Variants in HEATR6 observed in about 807,000 individuals in gnomAD.
The protein encoded by HEATR6 is HEAT repeat-containing protein 6.
A neutral mutation model predicts 132.8 loss-of-function variants in HEATR6; 106 were observed. The ratio of observed to expected loss-of-function variants is 0.80; its 90% CI spans 0.68 to 0.94. HEATR6 has a LOEUF of 0.94. HEATR6 is among the 40% of genes least tolerant of loss of function. The probability of loss-of-function intolerance (pLI) is 0.00; values close to 1 mark genes in which losing one functional copy is unlikely to be tolerated. For missense variants in HEATR6, 1,339 were observed against 1,425.1 expected (o/e 0.94, Z 0.97); for synonymous variants, 529 against 537.8 (o/e 0.98, Z 0.23).
rs778982061 is a variant in HEATR6, at chr17:60,073,837, G to GA, written c.376dup (p.Ser126PhefsTer7). 6.2e-7 allele frequency: 1 copy of GA among 1,613,950 alleles called. No individual in the cohort carries two copies. The highest frequency in any genetic ancestry group is 2.2e-5 in the East Asian group (1 of 44,882). On this transcript the variant is annotated frameshift_variant, in exon 3 of 20. Transcript: ENST00000184956. LOFTEE classifies it high-confidence loss of function. Reference sequence around the variant, plus strand: ...CCAGGAACTACACTGATGAATAGCCGAAATAGTATATGCCAACAGGAAATC... The same window carrying GA: ...CCAGGAACTACACTGATGAATAGCCGAAAATAGTATATGCCAACAGGAAATC...
chr17:60,078,879 G>T lies in HEATR6; in HGVS notation c.36C>A (p.Ser12=), dbSNP rs1482480696. 4.4e-6 allele frequency: 6 copies of T among 1,350,470 alleles called. No homozygotes were observed. The Admixed American group carries it at 6.0e-5, about 13-fold the overall frequency. 83.7% of individuals were successfully genotyped at this position (1,350,470 alleles called of 1,614,324 possible). The stretch of plus-strand genomic sequence containing the variant: ...CCCGCGGTGCCTCCCGCGGCTGCAC[G>T]GAAGGCCACGAACCGACAACTTGCA... The part of the protein sequence containing the change: ...AAVQVVGSWP[S]VQPREAPREA... The change falls in exon 1 of 20, where the codon TCC becomes TCA. Residue 12 remains serine, a synonymous_variant. Transcript: ENST00000184956.
At position 60,050,939 on chromosome 17, in the gene HEATR6, T is replaced by C; in HGVS notation, c.2328A>G (p.Leu776=). ...GTTCTGAATTCTGCAGGGCTCTGGG[T>C]AAAGGACCGTTCAGCATCATAGTCC... is the stretch of plus-strand genomic sequence containing the variant. ...MFWTMMLNGP[L]PRALQNSEHP... is the part of the protein sequence containing the mutation. Residue 776 remains leucine, a synonymous_variant, in exon 15 of 20, where the codon TTA becomes TTG. Coordinates refer to ENST00000184956, the MANE Select transcript of HEATR6 (RefSeq NM_022070.5). 6.2e-7 allele frequency: 1 copy of C among 1,614,010 alleles called. No individual in the cohort carries two copies. The highest frequency in any genetic ancestry group is 8.5e-7 in the Non-Finnish European group (1 of 1,180,000).
rs1568597640 is a variant in HEATR6 at position 60,043,451 on chromosome 17, A to G, written c.*112T>C. 4 of 944,112 alleles carry G rather than the reference A, an allele frequency of 4.2e-6. No homozygotes were observed. Among genetic ancestry groups the G allele is most frequent in the Non-Finnish European group, 6.5e-6 (4 of 615,492 alleles). The allele number at this position is 944,112 out of a possible 1,614,324, so 58.5% of individuals were successfully genotyped here. A position where few individuals can be genotyped will look rare whatever the true frequency, so the allele number is the denominator to read the frequency against. ...TTAAATGGCTGCTAAGTCATTCTAA[A>G]TAAATAGTGAACGGATTGTTTCTGC... On this transcript the variant is annotated 3_prime_UTR_variant, in exon 20 of 20. Coordinates refer to ENST00000184956, the MANE Select transcript of HEATR6 (RefSeq NM_022070.5).
intron 16 of HEATR6, among the ~76,000 whole-genome samples, chr17:60,048,623 T>C (rs1247231647): frequency 2.0e-5 from 3 of 152,180 alleles, no homozygotes; most frequent in South Asian, 2.1e-4. Context: ...GAGGAGCCTA[T>C]GGATTTTGCT....
Position 60,047,321 on chromosome 17 carries a change from C to T in HEATR6, c.2757G>A (p.Lys919=). ...KMLRSAIEAS[K]DKDKVKSNAV... ...GTTGTGAGTCTACCTTGTCTTTATC[C>T]TTGGATGCTTCTATAGCTGATCGTA... Residue 919 remains lysine (K), a synonymous_variant, in exon 18 of 20, where the codon AAG becomes AAA. Coordinates refer to ENST00000184956, the MANE Select transcript of HEATR6 (RefSeq NM_022070.5). 6.2e-7 allele frequency: 1 copy of T among 1,608,922 alleles called. No individual in the cohort carries two copies. The highest frequency in any genetic ancestry group is 8.5e-7 in the Non-Finnish European group (1 of 1,176,522).
In HEATR6 at chr17:60,050,925, TGCAGG is replaced by T; in HGVS notation, c.2337_2341del (p.Leu780GlufsTer13). On this transcript the variant is annotated frameshift_variant, in exon 15 of 20. Coordinates refer to ENST00000184956, the MANE Select transcript of HEATR6 (RefSeq NM_022070.5). LOFTEE classifies it high-confidence loss of function. ...CTGGAGAGTTGGGTGTTCTGAATTCTGCAGGGCTCTGGGTAAAGGACCGTTCAGCA... is the reference window on the plus strand; with the variant it reads ...CTGGAGAGTTGGGTGTTCTGAATTCTGCTCTGGGTAAAGGACCGTTCAGCA... 1 of 1,614,216 alleles carries T rather than the reference TGCAGG, an allele frequency of 6.2e-7. No individual in the cohort carries two copies. The highest frequency in any genetic ancestry group is 8.5e-7 in the Non-Finnish European group (1 of 1,180,022).
At position 60,073,775 on chromosome 17, in the gene HEATR6, C is replaced by A. The variant is rs1434964505; in HGVS notation, c.439G>T (p.Val147Leu). 1.2e-6 allele frequency: 2 copies of A among 1,613,898 alleles called. No homozygotes were observed. The highest frequency in any genetic ancestry group is 1.7e-6 in the Non-Finnish European group (2 of 1,179,928). ...REILQALAALVYCNGSKCQKY... is the reference protein window; with the variant it reads ...REILQALAALLYCNGSKCQKY... ...TGACATTTGGAGCCATTGCAGTACA[C>A]CAGAGCTGCCAGGGCTTGAAGAATT... The change falls in exon 3 of 20, where the codon GTG becomes TTG. Residue 147 changes from valine (V) to leucine (L), a missense_variant. Coordinates refer to ENST00000184956, the MANE Select transcript of HEATR6 (RefSeq NM_022070.5).
chr17:60,075,535 C>T (rs1487767802), intron 2 of HEATR6: 2 of 152,012 alleles, frequency 1.3e-5, no homozygotes, highest in Non-Finnish European at 2.9e-5. Flanking sequence ...GTCCCCTTGG[C>T]CCCAAGCTAC....
rs1189924419 is a variant in HEATR6, at chr17:60,071,626, G to A, written c.699+589C>T. On this transcript the variant is annotated intron_variant, in intron 5 of 19. Transcript: ENST00000184956. The stretch of plus-strand genomic sequence containing the variant: ...GTATATTAACAGGAACCGAATAGAT[G>A]TCCCAGAGATATTAAGTTTTAACAA... 3.3e-5 allele frequency among the ~76,000 whole-genome samples: 5 copies of A among 152,292 alleles called. No individual in the cohort carries two copies. In the South Asian group the frequency reaches 8.3e-4, roughly 25 times the overall value.
At chr17:60,075,689 T>G (rs529720081) in intron 2 of HEATR6, 3 of 152,130 alleles carry the variant, frequency 2.0e-5, no homozygotes, top group African/African-American at 7.2e-5. Flanking sequence ...CATAAGAAAT[T>G]ATAAATTAGC....
At position 60,072,312 on chromosome 17, in the gene HEATR6, T is replaced by C. The variant is rs777061620; in HGVS notation, c.602A>G (p.Tyr201Cys). ...NLCLSVPGQP[Y>C]LEEPYQNVCF... The stretch of plus-strand genomic sequence containing the variant: ...GACATTTTGGTAGGGCTCCTCCAAA[T>C]ACGGCTGTCCTGGCACACTAAACGC... The change falls in exon 5 of 20, where the codon TAT (tyrosine) becomes TGT (cysteine). Residue 201 changes from tyrosine to cysteine, a missense_variant. Physicochemically the swap from Tyr to Cys is radical, Grantham distance 194. Coordinates refer to ENST00000184956, the MANE Select transcript of HEATR6 (RefSeq NM_022070.5). 36 of 1,608,322 alleles carry C rather than the reference T, an allele frequency of 2.2e-5. No homozygotes were observed. Among genetic ancestry groups the C allele is most frequent in the Non-Finnish European group, 2.9e-5 (34 of 1,175,724 alleles).
At chr17:60,055,637 G>A in intron 13 of HEATR6, 36 bp from the exon 14 acceptor site, 1 of 1,467,330 alleles carries the variant, frequency 6.8e-7, no homozygotes, top group Non-Finnish European at 9.5e-7. Context: ...TGGAGCATCA[G>A]AACTAATGAA....
At chr17:60,045,338 C>T (rs1298568949) in intron 19 of HEATR6, among the ~76,000 whole-genome samples, 1 of 152,222 alleles carries the variant, frequency 6.6e-6, no homozygotes, top group African/African-American at 2.4e-5. Flanking sequence ...AGGAACACAT[C>T]CTTAGGTCTC....
intron 14 of HEATR6, among the ~76,000 whole-genome samples, chr17:60,054,504 G>T (rs1906680946): frequency 6.6e-6 from 1 of 152,272 alleles, no homozygotes; most frequent in Admixed American, 6.5e-5. Context: ...GGGCAAGGCT[G>T]CCAGAAGCCT....
chr17:60,067,346 G>C, intron 8 of HEATR6, 88 bp downstream of exon 8: 1 of 878,054 alleles, frequency 1.1e-6, no homozygotes, highest in Non-Finnish European at 1.7e-6. Flanking sequence ...GGCTCTTCAA[G>C]TTAAATCACA....
intron 15 of HEATR6, 89 bp downstream of exon 15, chr17:60,050,754 C>G: frequency 6.7e-7 from 1 of 1,500,146 alleles, no homozygotes; most frequent in East Asian, 2.3e-5. Context: ...AGAGATGATG[C>G]TGAATACTGG....
At chr17:60,047,550 T>G (rs1300266876) in intron 17 of HEATR6, 145 bp from the exon 18 acceptor site, 4 of 408,966 alleles carry the variant, frequency 9.8e-6, no homozygotes, top group Non-Finnish European at 1.7e-5. Flanking sequence ...GAAACTTACA[T>G]TATATATCTT....
At position 60,078,789 on chromosome 17, in the gene HEATR6, C is replaced by A. The variant is rs1568655439; in HGVS notation, c.126G>T (p.Pro42=). The part of the protein sequence containing the change: ...LLSARLCALR[P]DDSSSARTEI... ...CGGTGCGGGCGGAGCTGCTGTCATC[C>A]GGGCGCAGGGCGCAGAGCCTGGCAG... Residue 42 remains proline, a synonymous_variant, in exon 1 of 20, where the codon CCG becomes CCT. Coordinates refer to ENST00000184956, the MANE Select transcript of HEATR6 (RefSeq NM_022070.5). The A allele has an allele frequency of 6.3e-7, 1 of 1,590,414 alleles. No homozygotes were observed. The highest frequency in any genetic ancestry group is 8.6e-7 in the Non-Finnish European group (1 of 1,169,328).
rs779279891 is a variant in HEATR6, at chr17:60,043,722, G to T, written c.3387C>A (p.Asp1129Glu). 3 of 1,614,002 alleles carry T rather than the reference G, an allele frequency of 1.9e-6. No individual in the cohort carries two copies. The African/African-American group carries it at 4.0e-5, about 22-fold the overall frequency. Reference sequence around the variant, plus strand: ...GTTTAAGGGCCATTCTGACCATCTGGTCTCTTTCCTGTGGGCTGTGGGGTG... The same window carrying T: ...GTTTAAGGGCCATTCTGACCATCTGTTCTCTTTCCTGTGGGCTGTGGGGTG... The part of the protein sequence containing the change: ...TGAPHSPQER[D>E]QMVRMALKHM... Residue 1129 changes from aspartate to glutamate, a missense_variant, in exon 20 of 20, where the codon GAC (aspartate) becomes GAA (glutamate). By Grantham distance (45) the Asp-to-Glu change is conservative (BLOSUM62 2). Transcript: ENST00000184956.
Sources: gnomAD v4.1 joint callset for allele counts (sites outside exome capture counted in the v4.1 genomes callset) on GRCh38, gnomAD v4.1.1 for gene constraint, MANE v1.5 for transcripts, NCBI Gene and HGNC (gene_info 2026-07-23, HGNC 2026-07-21) for gene names.